Variants in UGT1A5 observed in about 807,000 individuals in gnomAD.
UGT1A5 encodes UDP glucuronosyltransferase family 1 member A5.
Under a neutral mutation model 40.3 loss-of-function variants are expected in UGT1A5, and 29 were observed. The ratio of observed to expected loss-of-function variants is 0.72; its 90% CI spans 0.54 to 0.98. The LOEUF (loss-of-function observed/expected upper bound fraction) is 0.98. Ranked by LOEUF, UGT1A5 falls within the 50% of genes least tolerant of loss-of-function variation. The pLI, the probability that UGT1A5 is intolerant of heterozygous loss-of-function variation, is 0.00. For synonymous variants in UGT1A5, 257 were observed against 262.5 expected, an observed-to-expected ratio of 0.98 and a Z score of 0.20; for missense variants, 678 against 677.9, an observed-to-expected ratio of 1.00 and a Z score of 0.00.
chr2:233,720,168 A>G (rs957295954), intron 1 of UGT1A5, among the ~76,000 whole-genome samples: 6 of 152,154 alleles, frequency 3.9e-5, no homozygotes, highest in Non-Finnish European at 7.3e-5. Context: ...AGTGTCAAAG[A>G]GGTTGACTCA....
intron 1 of UGT1A5, among the ~76,000 whole-genome samples, chr2:233,766,008 T>C (rs901073626): frequency 2.6e-5 from 4 of 152,174 alleles, no homozygotes; most frequent in Non-Finnish European, 5.9e-5. Context: ...GCGTGGGTTA[T>C]GGCCTTCTTT....
chr2:233,772,784 A>G lies in UGT1A5; in HGVS notation c.*225A>G. ...CGTGCCCCCTCTGGTGTCTTTGATCAGGATGACATGTGCCATTTTTCAGAG... is the reference window on the plus strand; with the variant it reads ...CGTGCCCCCTCTGGTGTCTTTGATCGGGATGACATGTGCCATTTTTCAGAG... On this transcript the variant is annotated 3_prime_UTR_variant, in exon 5 of 5. Transcript: ENST00000373414. 1 of 1,271,314 alleles carries G rather than the reference A, an allele frequency of 7.9e-7. No homozygotes were observed. Among genetic ancestry groups the G allele is most frequent in the Non-Finnish European group, 1.0e-6 (1 of 961,544 alleles). 78.8% of individuals were successfully genotyped at this position (1,271,314 alleles called of 1,614,324 possible).
At chr2:233,750,066 G>A (rs12987866) in intron 1 of UGT1A5, among the ~76,000 whole-genome samples, 28,360 of 151,834 alleles carry the variant, frequency 0.19, 3,511 homozygotes, top group South Asian at 0.3. Flanking sequence ...TTTGGAACTG[G>A]GTAACAGGCA....
At chr2:233,760,894 C>T (rs1697601712) in intron 1 of UGT1A5, 6 of 1,614,174 alleles carry the variant, frequency 3.7e-6, no homozygotes, top group Non-Finnish European at 5.1e-6. Flanking sequence ...TCATTCAGAT[C>T]ACATGACCTT....
At chr2:233,740,938 A>C (rs1691513941) in intron 1 of UGT1A5, 1 of 151,466 alleles carries the variant, frequency 6.6e-6, no homozygotes, top group Admixed American at 6.6e-5. Context: ...TTTTTTTTTT[A>C]ATTAGCTAGG....
intron 1 of UGT1A5, among the ~76,000 whole-genome samples, chr2:233,717,104 T>G (rs535870475): frequency 2.6e-5 from 4 of 152,074 alleles, no homozygotes; most frequent in Non-Finnish European, 5.9e-5. Context: ...ACTATCTAAA[T>G]AAAACACCAC....
intron 1 of UGT1A5, among the ~76,000 whole-genome samples, chr2:233,720,310 T>C (rs1232996751): frequency 6.6e-6 from 1 of 152,138 alleles, no homozygotes; most frequent in Non-Finnish European, 1.5e-5. Context: ...GTCTGGTGTA[T>C]GATGTGGGGA....
intron 1 of UGT1A5, among the ~76,000 whole-genome samples, chr2:233,725,200 A>G (rs1336173793): frequency 5.4e-5 from 5 of 92,552 alleles, no homozygotes; most frequent in South Asian, 4.2e-4. Flanking sequence ...GCAGAGGCAG[A>G]GGCAGAGGCA....
chr2:233,729,879 T>C (rs2125748829), intron 1 of UGT1A5: 1 of 1,613,906 alleles, frequency 6.2e-7, no homozygotes, highest in Non-Finnish European at 8.5e-7. Context: ...TTCTCAGTCA[T>C]GCATCTGTGT....
chr2:233,716,707 T>G (rs2076520900), intron 1 of UGT1A5, among the ~76,000 whole-genome samples: 1 of 152,188 alleles, frequency 6.6e-6, no homozygotes, highest in Non-Finnish European at 1.5e-5. Flanking sequence ...TTAAAAACAC[T>G]AAAGAGTTCC....
At chr2:233,738,677 A>C (rs1328958529) in intron 1 of UGT1A5, among the ~76,000 whole-genome samples, 2 of 152,316 alleles carry the variant, frequency 1.3e-5, no homozygotes, top group East Asian at 3.9e-4. Flanking sequence ...AGATGATCTG[A>C]AATTGGAACT....
intron 1 of UGT1A5, among the ~76,000 whole-genome samples, 180 bp from the exon 2 acceptor site, chr2:233,766,854 A>G (rs966764700): frequency 6.6e-6 from 1 of 152,226 alleles, no homozygotes. Flanking sequence ...CTCCTTTAGA[A>G]GGAAGTAAAG....
intron 1 of UGT1A5, among the ~76,000 whole-genome samples, chr2:233,736,036 C>T (rs2078722234): frequency 6.6e-6 from 1 of 152,082 alleles, no homozygotes; most frequent in Non-Finnish European, 1.5e-5. Context: ...CTCTGTATTT[C>T]CTGAATTTGA....
intron 1 of UGT1A5, among the ~76,000 whole-genome samples, chr2:233,734,931 C>A (rs921627257): frequency 5.3e-5 from 8 of 152,162 alleles, no homozygotes; most frequent in African/African-American, 1.7e-4. Context: ...GCTTTACTTA[C>A]AATCATATGG....
rs1693746524 is a variant in UGT1A5, at chr2:233,747,672, A to G, written c.868-19362A>G. Reference sequence around the variant, plus strand: ...CTTCGATGTGGTTTTAATAGACCCAATTTACCTCTGTGGGGCAGTGCTGGC... The same window carrying G: ...CTTCGATGTGGTTTTAATAGACCCAGTTTACCTCTGTGGGGCAGTGCTGGC... On this transcript the variant is annotated intron_variant, in intron 1 of 4. Transcript: ENST00000373414. 1.4e-5 allele frequency: 22 copies of G among 1,605,362 alleles called. No individual in the cohort carries two copies. The South Asian group carries it at 1.4e-4, about 10-fold the overall frequency.
rs34028775 is a variant in UGT1A5 at position 233,762,751 on chromosome 2, A to AT, written c.868-4276dup. Among the ~76,000 whole-genome samples the AT allele has an allele frequency of 1.5e-3, 214 of 146,458 alleles. 1 individual carries two copies. Among genetic ancestry groups the AT allele is most frequent in the African/African-American group, 5.0e-3 (200 of 39,700 alleles). ...TTTTGGTCACTACTGTGAATGTGTT[A>AT]TTTTTTTGCATTTCTATCTCTAGCT... On this transcript the variant is annotated intron_variant, in intron 1 of 4. Coordinates refer to ENST00000373414, the MANE Select transcript of UGT1A5 (RefSeq NM_019078.2).
At chr2:233,723,956 C>G (rs1367171435) in intron 1 of UGT1A5, among the ~76,000 whole-genome samples, 1 of 55,390 alleles carries the variant, frequency 1.8e-5, no homozygotes, top group Non-Finnish European at 3.1e-5. Flanking sequence ...GGCAACCATC[C>G]GATTTCTCAA....
intron 1 of UGT1A5, chr2:233,743,388 GCA>G (rs1174910431): frequency 8.1e-7 from 1 of 1,233,944 alleles, no homozygotes; most frequent in Non-Finnish European, 1.1e-6. Context: ...CGTAGGACAT[GCA>G]GAAGGAAGAA....
intron 1 of UGT1A5, among the ~76,000 whole-genome samples, chr2:233,742,141 C>G (rs569949528): frequency 6.6e-6 from 1 of 151,830 alleles, no homozygotes; most frequent in Non-Finnish European, 1.5e-5. Flanking sequence ...AACCCAGCAG[C>G]GCTAGACGAA....
Sources: allele counts gnomAD v4.1 joint callset (sites outside exome capture counted in the v4.1 genomes callset), GRCh38; gene constraint gnomAD v4.1.1; transcripts MANE v1.5; gene names NCBI Gene and HGNC (gene_info 2026-07-23, HGNC 2026-07-21).